The following LIFR variants were observed in gnomAD, a reference collection of about 807,000 sequenced individuals.
LIFR encodes LIF receptor subunit alpha.
A neutral mutation model predicts 122.2 loss-of-function variants in LIFR; 84 were observed. That is an observed-to-expected ratio of 0.69 (90% CI 0.58 to 0.82). The LOEUF (loss-of-function observed/expected upper bound fraction) is 0.82, where lower values mean the gene tolerates loss of function less well. LIFR is among the 40% of genes least tolerant of loss of function. The pLI is 0.00. For synonymous variants in LIFR, 422 were observed against 434.7 expected (o/e 0.97, Z 0.36); for missense variants, 1,294 against 1,311.6 (o/e 0.99, Z 0.21).
intron 1 of LIFR, among the ~76,000 whole-genome samples, chr5:38,584,446 G>T (rs1471757334): frequency 6.6e-6 from 1 of 151,956 alleles, no homozygotes; most frequent in East Asian, 1.9e-4. Flanking sequence ...AACAACCTAA[G>T]TGTCAACAAA....
intron 15 of LIFR, 40 bp from the exon 16 acceptor site, chr5:38,489,285 G>A: frequency 2.1e-6 from 3 of 1,458,144 alleles, no homozygotes; most frequent in Non-Finnish European, 2.9e-6. Flanking sequence ...GGGAGTGTAT[G>A]AATACAGAGT....
rs373729193 is a variant in LIFR, at chr5:38,481,712, A to G, written c.3177T>C (p.Ser1059=). The change falls in exon 20 of 20, where the codon AGT becomes AGC. Residue 1059 remains serine (S), a synonymous_variant. Coordinates refer to ENST00000453190, the MANE Select transcript of LIFR (RefSeq NM_001127671.2). ...ATTGTCGGGAATTAATGGAGCATGG[A>G]CTTCCAAATGAGACAATCTCACTGT... is the stretch of plus-strand genomic sequence containing the variant. ...DSNSEIVSFG[S]PCSINSRQFL... is the part of the protein sequence containing the mutation. 1 of 1,614,062 alleles carries G rather than the reference A, an allele frequency of 6.2e-7. No individual in the cohort carries two copies. Among genetic ancestry groups the G allele is most frequent in the Non-Finnish European group, 8.5e-7 (1 of 1,180,028 alleles).
At chr5:38,493,080 C>A (rs1744684221) in intron 14 of LIFR, among the ~76,000 whole-genome samples, 1 of 152,188 alleles carries the variant, frequency 6.6e-6, no homozygotes, top group African/African-American at 2.4e-5. Flanking sequence ...GCCGATGCCC[C>A]CTTGCCCTGC....
At chr5:38,580,295 C>T (rs1749539549) in intron 1 of LIFR, among the ~76,000 whole-genome samples, 1 of 152,110 alleles carries the variant, frequency 6.6e-6, no homozygotes, top group Non-Finnish European at 1.5e-5. Context: ...CTGGAGTGTG[C>T]CACAAACAGA....
Position 38,489,255 on chromosome 5 carries a change from G to C in LIFR, c.2168-10C>G. 1 of 1,608,728 alleles carries C rather than the reference G, an allele frequency of 6.2e-7. No individual in the cohort carries two copies. The highest frequency in any genetic ancestry group is 8.5e-7 in the Non-Finnish European group (1 of 1,176,792). On this transcript the variant is annotated splice_polypyrimidine_tract_variant and intron_variant, in intron 15 of 19. Coordinates refer to ENST00000453190, the MANE Select transcript of LIFR (RefSeq NM_001127671.2). The stretch of plus-strand genomic sequence containing the variant: ...GGTGCAACAATGGGAGCTGTAAAAG[G>C]AAAAAGTCAATTGCTAAAGGGGAGT...
chr5:38,506,752 T>C, intron 7 of LIFR, 120 bp from the exon 8 acceptor site: 1 of 858,294 alleles, frequency 1.2e-6, no homozygotes, highest in African/African-American at 1.7e-5. Context: ...ACTATTTACA[T>C]TTTACTTTTG....
chr5:38,524,348 G>C (rs1481125884), intron 4 of LIFR, among the ~76,000 whole-genome samples: 1 of 152,182 alleles, frequency 6.6e-6, no homozygotes, highest in East Asian at 1.9e-4. Context: ...TAAGAAGTGT[G>C]TCAGAAAGGT....
At chr5:38,595,727 CTTTTTTTT>C (rs70978897), upstream of LIFR, among the ~76,000 whole-genome samples, 7 of 91,932 alleles carry the variant, frequency 7.6e-5, no homozygotes, top group African/African-American at 1.2e-4. Flanking sequence ...CACAATAGGT[CTTTTTTTT>C]TTTTTTTTTT....
chr5:38,496,487 C>A lies in LIFR; in HGVS notation c.1780G>T (p.Ala594Ser). 1 of 1,614,012 alleles carries A rather than the reference C, an allele frequency of 6.2e-7. No individual in the cohort carries two copies. Among genetic ancestry groups the A allele is most frequent in the Non-Finnish European group, 8.5e-7 (1 of 1,179,862 alleles). The change falls in exon 13 of 20, where the codon GCA (alanine) becomes TCA (serine). Residue 594 changes from alanine to serine, a missense_variant. Coordinates refer to ENST00000453190, the MANE Select transcript of LIFR (RefSeq NM_001127671.2). Reference sequence around the variant, plus strand: ...TCATTCTTATCAAGTCGTATCTCTGCTTTGTGCTGAGGATCAGGGATTTCA... The same window carrying A: ...TCATTCTTATCAAGTCGTATCTCTGATTTGTGCTGAGGATCAGGGATTTCA... The part of the protein sequence containing the change: ...LSEIPDPQHK[A>S]EIRLDKNDYI...
chr5:38,590,033 A>G (rs1043921731), intron 1 of LIFR, among the ~76,000 whole-genome samples: 1 of 152,226 alleles, frequency 6.6e-6, no homozygotes, highest in Non-Finnish European at 1.5e-5. Flanking sequence ...TTTTTCTAAG[A>G]CATAATTTAC....
chr5:38,589,736 G>GTT (rs1749863080), intron 1 of LIFR, among the ~76,000 whole-genome samples: 1 of 151,762 alleles, frequency 6.6e-6, no homozygotes, highest in East Asian at 1.9e-4. Flanking sequence ...GTGTGTGTGT[G>GTT]TGTGTGTGTG....
At chr5:38,503,769 G>A (rs566598454) in intron 10 of LIFR, among the ~76,000 whole-genome samples, 1 of 152,266 alleles carries the variant, frequency 6.6e-6, no homozygotes, top group South Asian at 2.1e-4. Context: ...GTGCATCTGG[G>A]AACATTCTGA....
In LIFR at chr5:38,477,904, A is replaced by C. The variant is rs965220596; in HGVS notation, c.*3691T>G. 1.9e-5 allele frequency: 4 copies of C among 215,164 alleles called. No individual in the cohort carries two copies. The highest frequency in any genetic ancestry group is 9.0e-5 in the African/African-American group (4 of 44,276). 13.3% of individuals were successfully genotyped at this position (215,164 alleles called of 1,614,324 possible). A position where few individuals can be genotyped will look rare whatever the true frequency, so the allele number is the denominator to read the frequency against. Reference sequence around the variant, plus strand: ...AAGGCATTTCATAAAATGCACACAAATTTTAACATAATTCAAAATAGAGAA... The same window carrying C: ...AAGGCATTTCATAAAATGCACACAACTTTTAACATAATTCAAAATAGAGAA... On this transcript the variant is annotated 3_prime_UTR_variant, in exon 20 of 20. Transcript: ENST00000453190.
chr5:38,556,100 G>A (rs556774523), intron 1 of LIFR, among the ~76,000 whole-genome samples: 6 of 152,264 alleles, frequency 3.9e-5, no homozygotes, highest in African/African-American at 1.4e-4. Flanking sequence ...TCACTGCCCT[G>A]CGTGGGGCAG....
intron 1 of LIFR, among the ~76,000 whole-genome samples, chr5:38,543,354 T>C (rs1747695356): frequency 6.6e-6 from 1 of 152,186 alleles, no homozygotes; most frequent in Non-Finnish European, 1.5e-5. Context: ...TTAAGTGACT[T>C]ATCCAAAGTA....
chr5:38,534,709 A>T (rs147680169), intron 1 of LIFR, among the ~76,000 whole-genome samples: 29 of 152,268 alleles, frequency 1.9e-4, no homozygotes, highest in African/African-American at 6.7e-4. Context: ...AATAAGAACA[A>T]CATCAGAATA....
intron 1 of LIFR, among the ~76,000 whole-genome samples, chr5:38,564,700 A>G (rs1748948187): frequency 6.7e-6 from 1 of 150,242 alleles, no homozygotes; most frequent in Non-Finnish European, 1.5e-5. Flanking sequence ...ATGCATATGT[A>G]TATATATACA....
upstream of LIFR, chr5:38,557,697 A>G (rs780122518): frequency 5.8e-5 from 9 of 154,820 alleles, no homozygotes; most frequent in Non-Finnish European, 1.3e-4. Context: ...GTTTTGTAAA[A>G]TAACTCTTCC....
intron 3 of LIFR, 51 bp downstream of exon 3, chr5:38,528,675 G>T: frequency 9.3e-7 from 1 of 1,074,592 alleles, no homozygotes; most frequent in Non-Finnish European, 1.4e-6. Context: ...ACTGAGGGTC[G>T]TTTCTGCAAT....
Sources: allele counts gnomAD v4.1 joint callset (sites outside exome capture counted in the v4.1 genomes callset), GRCh38; gene constraint gnomAD v4.1.1; transcripts MANE v1.5; gene names NCBI Gene and HGNC (gene_info 2026-07-23, HGNC 2026-07-21).